The following ARFGEF2 variants were observed in gnomAD, a reference collection of about 807,000 sequenced individuals.
ARFGEF2 encodes the protein ARF guanine nucleotide exchange factor 2.
ARFGEF2 carries 74 observed loss-of-function variants against 219.9 expected under a neutral mutation model. The observed-to-expected ratio is 0.34, with a 90% CI of 0.28 to 0.41. ARFGEF2 has a LOEUF of 0.41. Ranked by LOEUF, ARFGEF2 falls within the 10% of genes least tolerant of loss-of-function variation. The pLI is 1.00. For synonymous variants in ARFGEF2, 733 were observed against 799.2 expected (o/e 0.92, Z 1.40); for missense variants, 1,743 against 2,218.3 (o/e 0.79, Z 4.30).
In ARFGEF2 at chr20:48,977,926, T is replaced by C. The variant is rs550607747; in HGVS notation, c.1958+1727T>C. The stretch of plus-strand genomic sequence containing the variant: ...CAAAAATTTTCTCCCATTCTGTAGG[T>C]TGCCTGTTCACTCTGATGGTAGTTT... On this transcript the variant is annotated intron_variant, in intron 14 of 38. Transcript: ENST00000371917. 5.3e-5 allele frequency among the ~76,000 whole-genome samples: 8 copies of C among 152,286 alleles called. 1 individual carries two copies. Among genetic ancestry groups the C allele is most frequent in the African/African-American group, 1.7e-4 (7 of 41,566 alleles).
In ARFGEF2 at chr20:48,976,043, T is replaced by C. The variant is rs1222258036; in HGVS notation, c.1802T>C (p.Ile601Thr). Residue 601 changes from isoleucine (I) to threonine (T), a missense_variant, in exon 14 of 39, where the codon ATA (isoleucine) becomes ACA (threonine). By Grantham distance (89) the Ile-to-Thr change is moderately conservative. Around this residue, in one of 5 missense-constraint regions of ARFGEF2, gnomAD observed 666 missense variants for 955.4 expected, o/e 0.70. Coordinates refer to ENST00000371917, the MANE Select transcript of ARFGEF2 (RefSeq NM_006420.3). ...LGQERLTDQE[I>T]GDGKGLDMAR... Reference sequence around the variant, plus strand: ...CAGGAGAGGCTCACGGATCAGGAAATAGGGGATGGGAAAGGCCTTGACATG... The same window carrying C: ...CAGGAGAGGCTCACGGATCAGGAAACAGGGGATGGGAAAGGCCTTGACATG... 3.7e-6 allele frequency: 6 copies of C among 1,612,232 alleles called. No homozygotes were observed. The East Asian group carries it at 8.9e-5, about 24-fold the overall frequency.
chr20:48,986,886 G>T (rs2091329654), intron 16 of ARFGEF2, among the ~76,000 whole-genome samples: 1 of 152,062 alleles, frequency 6.6e-6, no homozygotes, highest in Non-Finnish European at 1.5e-5. Context: ...TAATATTTCT[G>T]CAGAGATAGA....
intron 12 of ARFGEF2, 81 bp from the exon 13 acceptor site, chr20:48,974,685 T>C: frequency 9.3e-7 from 1 of 1,080,182 alleles, no homozygotes; most frequent in Non-Finnish European, 1.4e-6. Flanking sequence ...TTAGCCTCAC[T>C]GGGGTCCCAG....
intron 1 of ARFGEF2, among the ~76,000 whole-genome samples, chr20:48,935,091 TTC>T: frequency 8.0e-6 from 1 of 125,720 alleles, no homozygotes; most frequent in Admixed American, 8.2e-5. Context: ...TGATTTGCAT[TTC>T]TCTCTTTTTT....
intron 6 of ARFGEF2, 23 bp from the exon 7 acceptor site, chr20:48,963,807 T>C (rs759657556): frequency 1.2e-6 from 2 of 1,611,698 alleles, no homozygotes; most frequent in Non-Finnish European, 8.5e-7. Context: ...ACGTGTGTTT[T>C]GTATATTTGG....
chr20:48,950,804 AAAAAAAAATATATATAT>A (rs1305160782), intron 3 of ARFGEF2, among the ~76,000 whole-genome samples: 4 of 43,470 alleles, frequency 9.2e-5, no homozygotes, highest in Non-Finnish European at 1.3e-4. Context: ...TAAAAAAAAA[AAAAAAAAATATATATAT>A]ATATATATAT....
chr20:48,979,552 A>T (rs1461349377), intron 14 of ARFGEF2, among the ~76,000 whole-genome samples: 1 of 152,214 alleles, frequency 6.6e-6, no homozygotes, highest in African/African-American at 2.4e-5. Context: ...AAGGAATGGT[A>T]CCAGCTCCTC....
chr20:48,939,029 C>T (rs1434470281), intron 1 of ARFGEF2, among the ~76,000 whole-genome samples: 1 of 146,656 alleles, frequency 6.8e-6, no homozygotes, highest in Non-Finnish European at 1.5e-5. Context: ...GGCTGAAGTG[C>T]AGTGGCACCA....
At chr20:49,023,237 TGTA>T (rs1390481172) in intron 35 of ARFGEF2, 56 bp downstream of exon 35, 1 of 1,607,876 alleles carries the variant, frequency 6.2e-7, no homozygotes, top group African/African-American at 1.3e-5. Flanking sequence ...GTTGCTTTGA[TGTA>T]GTGGTGTGCG....
chr20:49,018,321 C>T (rs1042117534), intron 33 of ARFGEF2, among the ~76,000 whole-genome samples: 1 of 152,152 alleles, frequency 6.6e-6, no homozygotes, highest in Non-Finnish European at 1.5e-5. Flanking sequence ...CAACCTCCAC[C>T]TCCTGGGTTC....
chr20:48,953,532 T>C, intron 5 of ARFGEF2, 24 bp from the exon 6 acceptor site: 1 of 1,603,558 alleles, frequency 6.2e-7, no homozygotes, highest in South Asian at 1.1e-5. Flanking sequence ...CAAAATGCTG[T>C]ATCCCCCTTT....
rs759674594 is a variant in ARFGEF2, at chr20:49,032,084, T to C, written c.5099T>C (p.Val1700Ala). The change falls in exon 38 of 39, where the codon GTG becomes GCG. Residue 1700 changes from valine (V) to alanine (A), a missense_variant. Physicochemically the swap from Val to Ala is moderately conservative, Grantham distance 64. Around this residue, in one of 5 missense-constraint regions of ARFGEF2, gnomAD observed 578 missense variants for 664.0 expected, o/e 0.87. Coordinates refer to ENST00000371917, the MANE Select transcript of ARFGEF2 (RefSeq NM_006420.3). The part of the protein sequence containing the change: ...CSEALAYFIT[V>A]NSESHREAWT... ...GAAGCTCTTGCCTATTTCATCACTGTGAATTCTGAGAGCCATCGGGAGGCC... is the reference window on the plus strand; with the variant it reads ...GAAGCTCTTGCCTATTTCATCACTGCGAATTCTGAGAGCCATCGGGAGGCC... The C allele has an allele frequency of 1.2e-6, 2 of 1,614,144 alleles. No homozygotes were observed. Among genetic ancestry groups the C allele is most frequent in the Non-Finnish European group, 1.7e-6 (2 of 1,180,012 alleles).
chr20:48,973,450 T>A (rs1392760732), intron 12 of ARFGEF2, among the ~76,000 whole-genome samples, 166 bp downstream of exon 12: 1 of 152,128 alleles, frequency 6.6e-6, no homozygotes, highest in Non-Finnish European at 1.5e-5. Context: ...AAGAAGTCAG[T>A]TCAGATGATC....
chr20:48,955,146 A>C (rs1428749159), intron 6 of ARFGEF2, among the ~76,000 whole-genome samples: 2 of 152,124 alleles, frequency 1.3e-5, no homozygotes, highest in Non-Finnish European at 2.9e-5. Flanking sequence ...ATTCTGACTG[A>C]AATCCATGCC....
chr20:48,986,800 A>C (rs952198493), intron 16 of ARFGEF2, among the ~76,000 whole-genome samples: 1 of 152,104 alleles, frequency 6.6e-6, no homozygotes, highest in Non-Finnish European at 1.5e-5. Flanking sequence ...CCTGGGCTCA[A>C]TCAGTCCTCC....
intron 36 of ARFGEF2, 139 bp downstream of exon 36, chr20:49,025,620 G>C: frequency 1.4e-4 from 125 of 885,712 alleles, no homozygotes; most frequent in Non-Finnish European, 2.0e-4. Flanking sequence ...GGGAGAGAAG[G>C]GAAATGTTGG....
chr20:48,972,132 T>TA (rs2091232196), intron 10 of ARFGEF2, among the ~76,000 whole-genome samples, 194 bp from the exon 11 acceptor site: 1 of 152,182 alleles, frequency 6.6e-6, no homozygotes, highest in African/African-American at 2.4e-5. Flanking sequence ...AGCTCCCCAG[T>TA]GGGCCCCACC....
intron 30 of ARFGEF2, among the ~76,000 whole-genome samples, chr20:49,014,881 AAAG>A (rs1490815837): frequency 6.6e-6 from 1 of 152,172 alleles, no homozygotes; most frequent in Non-Finnish European, 1.5e-5. Flanking sequence ...AGACAAAAAC[AAAG>A]AAGAATTTAA....
chr20:49,028,042 G>C (rs1218529459), intron 36 of ARFGEF2, among the ~76,000 whole-genome samples: 1 of 152,130 alleles, frequency 6.6e-6, no homozygotes, highest in African/African-American at 2.4e-5. Flanking sequence ...CAGATCACTT[G>C]AGGTCAGGAG....
Sources: allele counts gnomAD v4.1 joint callset (sites outside exome capture counted in the v4.1 genomes callset), GRCh38; gene constraint gnomAD v4.1.1; regional missense constraint gnomAD v4.1.1; transcripts MANE v1.5; gene names NCBI Gene and HGNC (gene_info 2026-07-23, HGNC 2026-07-21).